STK33: variants seen among roughly 807,000 people sequenced by gnomAD.
STK33 encodes serine/threonine kinase 33.
A neutral mutation model predicts 58.0 loss-of-function variants in STK33; 52 were observed. The ratio of observed to expected loss-of-function variants is 0.90; its 90% CI spans 0.72 to 1.13. The LOEUF (loss-of-function observed/expected upper bound fraction) is 1.13, where lower values mean the gene tolerates loss of function less well. STK33 is among the 50% of genes most tolerant of loss of function. The pLI is 0.00. For synonymous variants in STK33, 215 were observed against 200.1 expected, an observed-to-expected ratio of 1.07 and a Z score of -0.63; for missense variants, 630 against 604.2, an observed-to-expected ratio of 1.04 and a Z score of -0.45.
chr11:8,510,769 C>T (rs1216255911), intron 1 of STK33, among the ~76,000 whole-genome samples: 1 of 152,070 alleles, frequency 6.6e-6, no homozygotes, highest in Non-Finnish European at 1.5e-5. Context: ...GTCCTTTTCC[C>T]AACTTTATGT....
At chr11:8,397,312 G>A (rs536569384) in intron 15 of STK33, among the ~76,000 whole-genome samples, 6 of 152,332 alleles carry the variant, frequency 3.9e-5, no homozygotes, top group South Asian at 2.1e-4. Flanking sequence ...ACCAATATCC[G>A]CTGTTCTGCA....
chr11:8,546,335 T>G (rs1459268186), intron 1 of STK33, among the ~76,000 whole-genome samples: 1 of 152,224 alleles, frequency 6.6e-6, no homozygotes, highest in African/African-American at 2.4e-5. Context: ...TTGCACATAT[T>G]TATGGGGTAC....
chr11:8,502,506 T>G (rs184173491), intron 1 of STK33, among the ~76,000 whole-genome samples: 132 of 152,270 alleles, frequency 8.7e-4, no homozygotes, highest in African/African-American at 3.1e-3. Context: ...GACTTAAATG[T>G]AAAACCCAAA....
At chr11:8,371,686 CTTT>C in the STK33 span, among the ~76,000 whole-genome samples, 25 of 146,552 alleles carry the variant, frequency 1.7e-4, no homozygotes, top group Non-Finnish European at 2.3e-4. Context: ...CCTCTTTCTT[CTTT>C]TCTTTCCCCT....
chr11:8,354,234 C>T, the STK33 span, among the ~76,000 whole-genome samples: 6 of 152,010 alleles, frequency 3.9e-5, no homozygotes, highest in African/African-American at 1.2e-4. Flanking sequence ...AGGAGAAACC[C>T]CTGCCAGGCC....
chr11:8,449,842 C>A (rs1472535149), intron 11 of STK33, among the ~76,000 whole-genome samples: 2 of 152,008 alleles, frequency 1.3e-5, no homozygotes, highest in East Asian at 3.9e-4. Flanking sequence ...CAAATCATAA[C>A]CATAATGAGA....
intron 1 of STK33, among the ~76,000 whole-genome samples, chr11:8,482,875 G>A (rs1415628024): frequency 1.3e-5 from 2 of 151,808 alleles, no homozygotes; most frequent in South Asian, 2.1e-4. Flanking sequence ...GACTACAGGC[G>A]CCCACCACCA....
chr11:8,389,487 C>G (rs989165371), downstream of STK33, among the ~76,000 whole-genome samples: 2 of 152,198 alleles, frequency 1.3e-5, no homozygotes, highest in Admixed American at 6.5e-5. Flanking sequence ...AATATCCAGC[C>G]CAGGGTCATT....
At chr11:8,498,821 A>G (rs990854620) in intron 1 of STK33, among the ~76,000 whole-genome samples, 1 of 152,206 alleles carries the variant, frequency 6.6e-6, no homozygotes, top group African/African-American at 2.4e-5. Context: ...TGACACAAAC[A>G]GCAATGGGGA....
At chr11:8,386,951 G>A (rs534984283), downstream of STK33, among the ~76,000 whole-genome samples, 1 of 152,340 alleles carries the variant, frequency 6.6e-6, no homozygotes, top group Admixed American at 6.5e-5. Flanking sequence ...GCACAGAAAG[G>A]ACGGTCCCTG....
At chr11:8,507,434 C>T (rs551290632) in intron 1 of STK33, among the ~76,000 whole-genome samples, 6 of 152,294 alleles carry the variant, frequency 3.9e-5, no homozygotes, top group African/African-American at 1.4e-4. Context: ...AATACTTATA[C>T]TGCTGCCTGA....
At chr11:8,589,832 A>G (rs2032310427) in intron 1 of STK33, among the ~76,000 whole-genome samples, 1 of 152,230 alleles carries the variant, frequency 6.6e-6, no homozygotes, top group Non-Finnish European at 1.5e-5. Flanking sequence ...TTATTGCCAT[A>G]AACTGAAAAC....
At chr11:8,412,355 G>C (rs986921007) in intron 15 of STK33, among the ~76,000 whole-genome samples, 2 of 152,180 alleles carry the variant, frequency 1.3e-5, no homozygotes, top group African/African-American at 4.8e-5. Flanking sequence ...AGAATTCAAT[G>C]AGCTTATGTC....
chr11:8,468,183 A>G (rs183723684), intron 6 of STK33, among the ~76,000 whole-genome samples: 45 of 152,262 alleles, frequency 3.0e-4, no homozygotes, highest in Non-Finnish European at 5.1e-4. Flanking sequence ...GAAGCAGGCA[A>G]AGACAGAGTT....
chr11:8,495,370 G>T (rs548163703), intron 1 of STK33, among the ~76,000 whole-genome samples: 1 of 152,302 alleles, frequency 6.6e-6, no homozygotes, highest in East Asian at 1.9e-4. Context: ...CTGGTCATTA[G>T]AGAAATGCAA....
At chr11:8,362,479 A>T in the STK33 span, among the ~76,000 whole-genome samples, 443 of 152,286 alleles carry the variant, frequency 2.9e-3, 1 homozygote, top group Middle Eastern at 6.8e-3. Context: ...AAATATATTG[A>T]TTCAATTATA....
intron 1 of STK33, among the ~76,000 whole-genome samples, chr11:8,514,514 C>T (rs1039611260): frequency 2.0e-5 from 3 of 152,152 alleles, no homozygotes; most frequent in African/African-American, 2.4e-5. Context: ...TACTGATAGC[C>T]TCCAGGGATC....
chr11:8,586,970 A>G (rs967800697), intron 1 of STK33, among the ~76,000 whole-genome samples: 5 of 152,126 alleles, frequency 3.3e-5, no homozygotes, highest in African/African-American at 1.2e-4. Context: ...TGAATGACTC[A>G]AATTAGGGAA....
At chr11:8,566,488 T>C (rs1957451894) in intron 1 of STK33, among the ~76,000 whole-genome samples, 1 of 152,234 alleles carries the variant, frequency 6.6e-6, no homozygotes, top group Non-Finnish European at 1.5e-5. Context: ...ATTGGTCTAA[T>C]GTTTAATGTG....
Sources: gnomAD v4.1 joint callset for allele counts (sites outside exome capture counted in the v4.1 genomes callset) on GRCh38, gnomAD v4.1.1 for gene constraint, MANE v1.5 for transcripts, NCBI Gene and HGNC (gene_info 2026-07-23, HGNC 2026-07-21) for gene names.